The following MAST2 variants were observed in gnomAD, a reference collection of about 807,000 sequenced individuals.
MAST2 encodes microtubule associated serine/threonine kinase 2, also known as microtubule-associated serine/threonine-protein kinase 2.
Under a neutral mutation model 147.4 loss-of-function variants are expected in MAST2, and 70 were observed. The observed-to-expected ratio is 0.47, with a 90% CI of 0.39 to 0.58. MAST2 has a LOEUF of 0.58. Among genes scored for constraint, MAST2 ranks in the 20% least tolerant of loss-of-function variants. The pLI is 0.00. For synonymous variants in MAST2, 869 were observed against 896.8 expected, an observed-to-expected ratio of 0.97 and a Z score of 0.55; for missense variants, 2,080 against 2,302.3, an observed-to-expected ratio of 0.90 and a Z score of 1.98.
chr1:46,000,033 G>A (rs1645209170), intron 6 of MAST2, among the ~76,000 whole-genome samples: 1 of 152,120 alleles, frequency 6.6e-6, no homozygotes. Flanking sequence ...CAGGAAGAGG[G>A]CCGGGCACAG....
At position 46,031,676 on chromosome 1, in the gene MAST2, T is replaced by C. The variant is rs1400772142; in HGVS notation, c.3187+91T>C. The stretch of plus-strand genomic sequence containing the variant: ...GGGTTCTGCACGTGGCAGGTGTGTG[T>C]GTGTGTGTTAAGCACAGATCTGACT... On this transcript the variant is annotated intron_variant, in intron 24 of 28. Transcript: ENST00000361297. This position sits in a 1 kb window ranked among gnomAD's most constrained non-coding sequence, Gnocchi z 4.1. 7.9e-7 allele frequency: 1 copy of C among 1,269,682 alleles called. No homozygotes were observed. The highest frequency in any genetic ancestry group is 1.5e-5 in the African/African-American group (1 of 67,130). The allele number at this position is 1,269,682 out of a possible 1,614,324, so 78.7% of individuals were successfully genotyped here.
At chr1:45,853,145 G>A (rs1645676171) in intron 3 of MAST2, among the ~76,000 whole-genome samples, 1 of 151,948 alleles carries the variant, frequency 6.6e-6, no homozygotes. Flanking sequence ...GGTCAGGCTG[G>A]TCTCGAACTC....
chr1:45,916,837 A>T (rs1652607209), intron 4 of MAST2, among the ~76,000 whole-genome samples: 1 of 152,104 alleles, frequency 6.6e-6, no homozygotes, highest in South Asian at 2.1e-4. Context: ...CAGCACTTTT[A>T]GGAGGCCGAG....
At chr1:45,838,065 C>T (rs1645157660) in intron 3 of MAST2, among the ~76,000 whole-genome samples, 1 of 151,992 alleles carries the variant, frequency 6.6e-6, no homozygotes, top group South Asian at 2.1e-4. Context: ...AGGTGTGAGC[C>T]ACCGCACCCG....
chr1:46,033,999 G>C, intron 27 of MAST2, 61 bp downstream of exon 27: 1 of 1,607,488 alleles, frequency 6.2e-7, no homozygotes, highest in Non-Finnish European at 8.5e-7. Flanking sequence ...TACGTGGTGG[G>C]TGCCTTGGCC....
chr1:45,829,406 T>A (rs1424008620), intron 2 of MAST2, 33 bp from the exon 3 acceptor site: 1 of 1,581,824 alleles, frequency 6.3e-7, no homozygotes, highest in East Asian at 2.3e-5. Context: ...AATAAATAAT[T>A]ACATGTATAT....
chr1:45,920,264 A>G (rs1653243082), intron 4 of MAST2, among the ~76,000 whole-genome samples: 1 of 152,152 alleles, frequency 6.6e-6, no homozygotes, highest in Non-Finnish European at 1.5e-5. Context: ...GCCCCTGCAG[A>G]TCTCCAGAGT....
chr1:45,939,310 A>G (rs1206409812), intron 4 of MAST2, among the ~76,000 whole-genome samples: 1 of 152,150 alleles, frequency 6.6e-6, no homozygotes, highest in Non-Finnish European at 1.5e-5. Flanking sequence ...GTTGAAGTCA[A>G]TTGACCACAA....
chr1:45,853,743 G>A (rs1303792665), intron 3 of MAST2, among the ~76,000 whole-genome samples: 1 of 150,834 alleles, frequency 6.6e-6, no homozygotes, highest in Non-Finnish European at 1.5e-5. Flanking sequence ...GCTTTCTTAG[G>A]TTGAAAAATG....
At chr1:45,817,687 TTAA>T (rs1388176444) in intron 1 of MAST2, among the ~76,000 whole-genome samples, 5 of 151,948 alleles carry the variant, frequency 3.3e-5, no homozygotes, top group African/African-American at 1.2e-4. Context: ...GAATACTATA[TTAA>T]TAACAATAAT....
At chr1:45,827,248 A>C (rs1644822132) in intron 2 of MAST2, among the ~76,000 whole-genome samples, 1 of 152,222 alleles carries the variant, frequency 6.6e-6, no homozygotes, top group Non-Finnish European at 1.5e-5. Flanking sequence ...GAATTATTAT[A>C]AGAATAGTAA....
intron 4 of MAST2, among the ~76,000 whole-genome samples, chr1:45,925,260 C>T (rs1023849655): frequency 4.6e-5 from 7 of 152,140 alleles, no homozygotes; most frequent in African/African-American, 1.7e-4. Context: ...TAATACATTG[C>T]GTTTTATGCC....
chr1:46,011,064 A>G (rs1645694863), intron 10 of MAST2, 125 bp downstream of exon 10: 1 of 762,760 alleles, frequency 1.3e-6, no homozygotes, highest in Non-Finnish European at 2.1e-6. Context: ...CCCACCCTCA[A>G]AGGTAGAGCT....
intron 4 of MAST2, among the ~76,000 whole-genome samples, chr1:45,935,714 T>G (rs978427248): frequency 1.3e-5 from 2 of 152,194 alleles, no homozygotes; most frequent in African/African-American, 2.4e-5. Flanking sequence ...GTGGCTTTGT[T>G]TCTGGATTCT....
At chr1:45,913,655 G>A in intron 4 of MAST2, 1 of 1,015,768 alleles carries the variant, frequency 9.8e-7, no homozygotes, top group Non-Finnish European at 1.2e-6. Flanking sequence ...TCTTTTGTGG[G>A]GGGATGGGAG....
intron 4 of MAST2, among the ~76,000 whole-genome samples, chr1:45,889,446 C>T (rs538426606): frequency 4.6e-5 from 7 of 152,092 alleles, no homozygotes; most frequent in South Asian, 2.1e-4. Context: ...CTCGGCCTTC[C>T]GAGGTGCTGA....
intron 4 of MAST2, among the ~76,000 whole-genome samples, chr1:45,909,527 T>TC (rs1651329664): frequency 1.3e-5 from 2 of 151,652 alleles, no homozygotes; most frequent in Non-Finnish European, 2.9e-5. Flanking sequence ...TTTTTTTTTT[T>TC]CCTTCTTTTT....
intron 3 of MAST2, among the ~76,000 whole-genome samples, chr1:45,838,017 G>T (rs934372857): frequency 6.6e-6 from 1 of 151,980 alleles, no homozygotes; most frequent in Admixed American, 6.6e-5. Context: ...GACCTCAGGG[G>T]ATCCACCCGC....
intron 25 of MAST2, 43 bp from the exon 26 acceptor site, chr1:46,032,553 G>A (rs780948620): frequency 8.1e-6 from 13 of 1,607,160 alleles, no homozygotes; most frequent in African/African-American, 1.3e-5. Flanking sequence ...CCCATACTTC[G>A]TGTTCAGGCT....
Sources: gnomAD v4.1 joint callset for allele counts (sites outside exome capture counted in the v4.1 genomes callset) on GRCh38, gnomAD v4.1.1 for gene constraint, Gnocchi (gnomAD v3.1) non-coding constraint, MANE v1.5 for transcripts, NCBI Gene and HGNC (gene_info 2026-07-23, HGNC 2026-07-21) for gene names.